The following FERMT1 variants were observed in gnomAD, a reference collection of about 807,000 sequenced individuals.
FERMT1 encodes the protein FERM domain containing kindlin 1.
A neutral mutation model predicts 85.3 loss-of-function variants in FERMT1; 60 were observed. The ratio of observed to expected loss-of-function variants is 0.70; its 90% confidence interval spans 0.57 to 0.87. FERMT1 has a LOEUF of 0.87. Among genes scored for constraint, FERMT1 ranks in the 40% least tolerant of loss-of-function variants. The pLI is 0.00. For missense variants in FERMT1, 701 were observed against 818.9 expected (o/e 0.86, Z 1.76); for synonymous variants, 275 against 301.1 (o/e 0.91, Z 0.90).
chr20:6,109,684 G>A (rs1490154529), intron 5 of FERMT1, among the ~76,000 whole-genome samples: 1 of 152,120 alleles, frequency 6.6e-6, no homozygotes, highest in African/African-American at 2.4e-5. Context: ...CAGATTACCT[G>A]AGGTCAGGAG....
intron 3 of FERMT1, among the ~76,000 whole-genome samples, chr20:6,114,562 C>T (rs950103632): frequency 6.6e-6 from 1 of 152,118 alleles, no homozygotes; most frequent in South Asian, 2.1e-4. Context: ...CTTTCAAATC[C>T]TCATTAGAAT....
At chr20:6,096,425 T>C (rs1982500576) in intron 8 of FERMT1, among the ~76,000 whole-genome samples, 1 of 152,114 alleles carries the variant, frequency 6.6e-6, no homozygotes, top group Non-Finnish European at 1.5e-5. Flanking sequence ...CTCCGGAGGC[T>C]GAGATGGGAG....
chr20:6,082,294 C>G (rs1335562230), intron 13 of FERMT1, among the ~76,000 whole-genome samples: 3 of 152,210 alleles, frequency 2.0e-5, no homozygotes, highest in African/African-American at 7.2e-5. Flanking sequence ...ACTGGATTCT[C>G]TCAACACAGT....
intron 1 of FERMT1, chr20:6,120,316 A>C (rs1012207277): frequency 6.6e-6 from 1 of 152,248 alleles, no homozygotes; most frequent in African/African-American, 2.4e-5. Flanking sequence ...TAAATGCACC[A>C]ATTAAAAATT....
At position 6,083,783 on chromosome 20, in the gene FERMT1, G is replaced by A. The variant is rs1982080224; in HGVS notation, c.1718+257C>T. Among the ~76,000 whole-genome samples the A allele has an allele frequency of 2.0e-5, 3 of 150,226 alleles. No individual in the cohort carries two copies. The South Asian group carries it at 6.3e-4, about 32-fold the overall frequency. On this transcript the variant is annotated intron_variant, in intron 13 of 14. Transcript: ENST00000217289. ...ATGTTTACCCTCTGGTTTTGGAAAT[G>A]TAGTTATCCTAAAAAAAACCCTCCT...
chr20:6,080,252 G>A (rs1981956371), intron 13 of FERMT1, among the ~76,000 whole-genome samples: 1 of 152,170 alleles, frequency 6.6e-6, no homozygotes, highest in South Asian at 2.1e-4. Context: ...CAAAGGTCTT[G>A]TAGGCCACTG....
At chr20:6,100,057 T>G (rs943111124) in intron 6 of FERMT1, among the ~76,000 whole-genome samples, 23 of 151,572 alleles carry the variant, frequency 1.5e-4, no homozygotes, top group Admixed American at 9.2e-4. Flanking sequence ...TTAATGCTAC[T>G]GAATTGTACA....
At chr20:6,115,320 C>T (rs1040167008) in intron 3 of FERMT1, among the ~76,000 whole-genome samples, 1 of 152,096 alleles carries the variant, frequency 6.6e-6, no homozygotes, top group Non-Finnish European at 1.5e-5. Flanking sequence ...TTTAAATTCA[C>T]AATTAAGTGT....
At chr20:6,079,088 A>G (rs1981921439) in intron 14 of FERMT1, among the ~76,000 whole-genome samples, 1 of 152,128 alleles carries the variant, frequency 6.6e-6, no homozygotes, top group African/African-American at 2.4e-5. Flanking sequence ...TAGCAGTTAC[A>G]TCTCCAGTAG....
In FERMT1 at chr20:6,077,463, T is replaced by C. The variant is rs1157387503; in HGVS notation, c.1861-117A>G. Reference sequence around the variant, plus strand: ...TGCTGAGGTGGATAACAGATGGATATCCCTCTAAAACACACAGAAAACCAT... The same window carrying C: ...TGCTGAGGTGGATAACAGATGGATACCCCTCTAAAACACACAGAAAACCAT... On this transcript the variant is annotated intron_variant, in intron 14 of 14. Coordinates refer to ENST00000217289, the MANE Select transcript of FERMT1 (RefSeq NM_017671.5). 3 of 932,080 alleles carry C rather than the reference T, an allele frequency of 3.2e-6. No individual in the cohort carries two copies. In the African/African-American group the frequency reaches 4.9e-5, roughly 15 times the overall value. 57.7% of individuals were successfully genotyped at this position (932,080 alleles called of 1,614,324 possible). A position where few individuals can be genotyped will look rare whatever the true frequency, so the allele number is the denominator to read the frequency against.
chr20:6,110,048 T>C (rs1982902243), intron 5 of FERMT1, among the ~76,000 whole-genome samples: 1 of 152,228 alleles, frequency 6.6e-6, no homozygotes, highest in African/African-American at 2.4e-5. Flanking sequence ...TGCATATCTG[T>C]AGTGGTAAAG....
At chr20:6,091,866 C>T (rs946960162) in intron 9 of FERMT1, among the ~76,000 whole-genome samples, 18 of 151,816 alleles carry the variant, frequency 1.2e-4, no homozygotes, top group Non-Finnish European at 2.5e-4. Flanking sequence ...GAAGGGGCAG[C>T]GGAGGCGATG....
At chr20:6,115,519 G>A (rs1443999007) in intron 3 of FERMT1, among the ~76,000 whole-genome samples, 2 of 152,134 alleles carry the variant, frequency 1.3e-5, no homozygotes, top group African/African-American at 2.4e-5. Context: ...TTTGAGTATA[G>A]CTTGGATCAA....
intron 6 of FERMT1, among the ~76,000 whole-genome samples, chr20:6,101,233 G>A (rs1600439094): frequency 6.6e-6 from 1 of 152,172 alleles, no homozygotes. Context: ...GTATCGTTTT[G>A]CCCTTTGATA....
At chr20:6,100,830 A>G (rs1982642034) in intron 6 of FERMT1, among the ~76,000 whole-genome samples, 2 of 152,342 alleles carry the variant, frequency 1.3e-5, no homozygotes, top group South Asian at 4.1e-4. Context: ...TTTATAAAAT[A>G]TAGGATACAG....
In FERMT1 at chr20:6,075,197, T is replaced by C. The variant is rs1027378742; in HGVS notation, c.*1976A>G. On this transcript the variant is annotated 3_prime_UTR_variant, in exon 15 of 15. Coordinates refer to ENST00000217289, the MANE Select transcript of FERMT1 (RefSeq NM_017671.5). ...TTTTCATGGAAATGTCAGACAACTATGAAAAGCTAAGGAAGCATGTTGAAC... is the reference window on the plus strand; with the variant it reads ...TTTTCATGGAAATGTCAGACAACTACGAAAAGCTAAGGAAGCATGTTGAAC... 2.6e-5 allele frequency: 4 copies of C among 152,246 alleles called. No homozygotes were observed. The highest frequency in any genetic ancestry group is 9.7e-5 in the African/African-American group (4 of 41,424). 9.4% of individuals were successfully genotyped at this position (152,246 alleles called of 1,614,324 possible).
rs1282828740 is a variant in FERMT1 at position 6,077,042 on chromosome 20, T to C, written c.*131A>G. The C allele has an allele frequency of 1.1e-6, 1 of 928,072 alleles. No homozygotes were observed. The highest frequency in any genetic ancestry group is 1.8e-6 in the Non-Finnish European group (1 of 569,514). The allele number at this position is 928,072 out of a possible 1,614,324, so 57.5% of individuals were successfully genotyped here. A position where few individuals can be genotyped will look rare whatever the true frequency, so the allele number is the denominator to read the frequency against. On this transcript the variant is annotated 3_prime_UTR_variant, in exon 15 of 15. Coordinates refer to ENST00000217289, the MANE Select transcript of FERMT1 (RefSeq NM_017671.5). ...TGCCAGCAGTGGGTTTGAATGAGGA[T>C]CTGGGTGACCAGCGGTGAATGTATG...
intron 6 of FERMT1, among the ~76,000 whole-genome samples, chr20:6,100,069 C>A (rs909870956): frequency 6.6e-6 from 1 of 150,738 alleles, no homozygotes; most frequent in Non-Finnish European, 1.5e-5. Flanking sequence ...AATTGTACAT[C>A]TAAAAATGGT....
chr20:6,077,356 G>C lies in FERMT1; in HGVS notation c.1861-10C>G. On this transcript the variant is annotated splice_polypyrimidine_tract_variant and intron_variant, in intron 14 of 14. Transcript: ENST00000217289. ...CAAACTCGATGACCACCTGGAAGAG[G>C]AAGGCACAGAGAAGCTTAAACTCTG... 3.7e-6 allele frequency: 6 copies of C among 1,614,056 alleles called. No individual in the cohort carries two copies. Among genetic ancestry groups the C allele is most frequent in the Non-Finnish European group, 5.1e-6 (6 of 1,179,992 alleles).
Sources: gnomAD v4.1 joint callset for allele counts (sites outside exome capture counted in the v4.1 genomes callset) on GRCh38, gnomAD v4.1.1 for gene constraint, MANE v1.5 for transcripts, NCBI Gene and HGNC (gene_info 2026-07-23, HGNC 2026-07-21) for gene names.